Variants in FTCDNL1 observed in about 807,000 individuals in gnomAD.
The protein encoded by FTCDNL1 is formiminotransferase cyclodeaminase N-terminal like, also known as formiminotransferase N-terminal subdomain-containing protein.
In FTCDNL1, 11 loss-of-function variants were observed where a neutral mutation model predicts 5.9. The observed-to-expected ratio is 1.87, with a 90% CI of 1.18 to 3.10. The LOEUF (loss-of-function observed/expected upper bound fraction) is 3.10. Among genes scored for constraint, FTCDNL1 ranks in the 30% most tolerant of loss-of-function variants. The probability of loss-of-function intolerance (pLI) is 0.00; values close to 1 mark genes in which losing one functional copy is unlikely to be tolerated. For missense variants in FTCDNL1, 115 were observed against 65.5 expected (o/e 1.76, Z -2.61); for synonymous variants, 58 against 24.8 (o/e 2.34, Z -3.99).
At chr2:199,765,379 C>G (rs1039686194) in intron 3 of FTCDNL1, among the ~76,000 whole-genome samples, 1 of 151,128 alleles carries the variant, frequency 6.6e-6, no homozygotes, top group African/African-American at 2.4e-5. Flanking sequence ...ACTTAGTGCT[C>G]AATTTTCCTG....
intron 4 of FTCDNL1, chr2:199,818,336 T>C (rs1369226142): frequency 6.6e-6 from 1 of 152,252 alleles, no homozygotes; most frequent in Non-Finnish European, 1.5e-5. Flanking sequence ...TCTTCCTTTT[T>C]TCTATGACAA....
the FTCDNL1 span, among the ~76,000 whole-genome samples, chr2:199,684,467 C>T: frequency 6.6e-6 from 1 of 152,130 alleles, no homozygotes; most frequent in Non-Finnish European, 1.5e-5. Flanking sequence ...AAATTATACA[C>T]ACACATGTAT....
At chr2:199,741,211 C>A in the FTCDNL1 span, among the ~76,000 whole-genome samples, 4 of 152,138 alleles carry the variant, frequency 2.6e-5, no homozygotes, top group Non-Finnish European at 4.4e-5. Flanking sequence ...AGGAGTTCGA[C>A]GCTGCCGTGA....
chr2:199,802,174 C>T lies in FTCDNL1; in HGVS notation c.212-41339G>A, dbSNP rs566784873. Reference sequence around the variant, plus strand: ...AAATATCTAACTTGTGTACATTTTTCGAAATCATACAACCATGTAAGCATA... The same window carrying T: ...AAATATCTAACTTGTGTACATTTTTTGAAATCATACAACCATGTAAGCATA... On this transcript the variant is annotated intron_variant, in intron 3 of 3. Coordinates refer to the FTCDNL1 transcript ENST00000416668. Among the ~76,000 whole-genome samples, 68 of 150,694 alleles carry T rather than the reference C, an allele frequency of 4.5e-4. No individual in the cohort carries two copies. The South Asian group carries it at 0.012, about 27-fold the overall frequency.
At chr2:199,721,843 T>C in the FTCDNL1 span, among the ~76,000 whole-genome samples, 1 of 152,184 alleles carries the variant, frequency 6.6e-6, no homozygotes, top group Admixed American at 6.5e-5. Flanking sequence ...TGGTATCTCA[T>C]TGTGGTTTTG....
chr2:199,720,791 C>CTT, the FTCDNL1 span, among the ~76,000 whole-genome samples: 17 of 148,118 alleles, frequency 1.1e-4, no homozygotes, highest in African/African-American at 4.2e-4. Flanking sequence ...GTAGACATAT[C>CTT]TTTTTTTTTT....
At chr2:199,744,396 C>T in the FTCDNL1 span, among the ~76,000 whole-genome samples, 10 of 152,004 alleles carry the variant, frequency 6.6e-5, no homozygotes, top group South Asian at 1.0e-3. Context: ...GGAAGAGACA[C>T]GTGCTCTCGT....
chr2:199,763,275 G>T lies in FTCDNL1; in HGVS notation c.212-2440C>A, dbSNP rs111782997. Reference sequence around the variant, plus strand: ...AGGCTCCTTGCTGGATGCTCCAGGGGCTCTGAGCGTTCACACTGTCCTCTC... The same window carrying T: ...AGGCTCCTTGCTGGATGCTCCAGGGTCTCTGAGCGTTCACACTGTCCTCTC... On this transcript the variant is annotated intron_variant, in intron 3 of 3. Coordinates refer to the FTCDNL1 transcript ENST00000416668. 6.2e-4 allele frequency among the ~76,000 whole-genome samples: 95 copies of T among 152,248 alleles called. No homozygotes were observed. In the South Asian group the frequency reaches 0.014, roughly 23 times the overall value.
chr2:199,671,898 T>C, the FTCDNL1 span, among the ~76,000 whole-genome samples: 1 of 152,282 alleles, frequency 6.6e-6, no homozygotes, highest in South Asian at 2.1e-4. Context: ...GCTCTAAAAA[T>C]AAGAAATTCC....
the FTCDNL1 span, among the ~76,000 whole-genome samples, chr2:199,719,874 T>C: frequency 0.027 from 4,138 of 152,250 alleles, 186 homozygotes; most frequent in African/African-American, 0.094. Flanking sequence ...TTAATAACAT[T>C]GATTCTTCCA....
downstream of FTCDNL1, among the ~76,000 whole-genome samples, chr2:199,755,665 C>A (rs1057169069): frequency 6.6e-6 from 1 of 152,088 alleles, no homozygotes; most frequent in Non-Finnish European, 1.5e-5. Flanking sequence ...ATCATCGTTA[C>A]GGTCATTCCA....
At chr2:199,819,379 C>T (rs1440584584) in intron 4 of FTCDNL1, 193 bp downstream of exon 4, 9 of 579,542 alleles carry the variant, frequency 1.6e-5, no homozygotes, top group East Asian at 1.4e-4. Context: ...AAATACTTGA[C>T]GGGAGCTTCT....
the FTCDNL1 span, among the ~76,000 whole-genome samples, chr2:199,741,251 G>A: frequency 3.3e-5 from 5 of 152,044 alleles, no homozygotes; most frequent in East Asian, 1.9e-4. Context: ...ACGCTAGCCC[G>A]GGCGATAGAG....
chr2:199,729,913 A>C, the FTCDNL1 span, among the ~76,000 whole-genome samples: 1 of 152,200 alleles, frequency 6.6e-6, no homozygotes, highest in Non-Finnish European at 1.5e-5. Context: ...AAGCAAAAAT[A>C]ACAAAGCTAG....
chr2:199,714,229 A>C, the FTCDNL1 span, among the ~76,000 whole-genome samples: 8 of 152,208 alleles, frequency 5.3e-5, no homozygotes, highest in Non-Finnish European at 7.3e-5. Flanking sequence ...CCAGCAATGC[A>C]GAAAGAATCC....
chr2:199,824,667 C>T (rs1002688837), intron 3 of FTCDNL1, among the ~76,000 whole-genome samples: 1 of 152,096 alleles, frequency 6.6e-6, no homozygotes, highest in African/African-American at 2.4e-5. Context: ...ATTAATTGGC[C>T]TAATTTCAAT....
chr2:199,723,111 C>T, the FTCDNL1 span, among the ~76,000 whole-genome samples: 1 of 151,966 alleles, frequency 6.6e-6, no homozygotes, highest in African/African-American at 2.4e-5. Context: ...ACTCTCCCTC[C>T]CCCTGCCCCC....
At chr2:199,758,451 CAAAA>C (rs754047700), downstream of FTCDNL1, among the ~76,000 whole-genome samples, 4 of 93,256 alleles carry the variant, frequency 4.3e-5, no homozygotes. Context: ...CCATTCCCAC[CAAAA>C]AAAAAAAAAA....
intron 3 of FTCDNL1, among the ~76,000 whole-genome samples, chr2:199,839,783 C>G (rs1003356908): frequency 3.9e-5 from 6 of 152,184 alleles, no homozygotes; most frequent in African/African-American, 1.4e-4. Context: ...AGTGACACAA[C>G]ATCTTTAAAT....
Sources: gnomAD v4.1 joint callset for allele counts (sites outside exome capture counted in the v4.1 genomes callset) on GRCh38, gnomAD v4.1.1 for gene constraint, MANE v1.5 for transcripts, NCBI Gene and HGNC (gene_info 2026-07-23, HGNC 2026-07-21) for gene names.